TENM3: variants seen among roughly 807,000 people sequenced by gnomAD.
The protein encoded by TENM3 is teneurin-3.
A neutral mutation model predicts 255.1 loss-of-function variants in TENM3; 63 were observed. The observed-to-expected ratio is 0.25, with a 90% CI of 0.20 to 0.30. The LOEUF is 0.30. Among genes scored for constraint, TENM3 ranks in the 10% least tolerant of loss-of-function variants. The probability of loss-of-function intolerance (pLI) is 1.00; values close to 1 mark genes in which losing one functional copy is unlikely to be tolerated. For synonymous variants in TENM3, 1,306 were observed against 1,322.3 expected, an observed-to-expected ratio of 0.99 and a Z score of 0.27; for missense variants, 2,929 against 3,461.1, an observed-to-expected ratio of 0.85 and a Z score of 3.86.
intron 1 of TENM3, among the ~76,000 whole-genome samples, chr4:182,195,068 CTT>C (rs1753759443): frequency 7.2e-6 from 1 of 139,048 alleles, no homozygotes; most frequent in Admixed American, 7.1e-5. Flanking sequence ...CACACACACA[CTT>C]ATATATTCAG....
chr4:182,444,704 A>G (rs1211543562), intron 3 of TENM3, among the ~76,000 whole-genome samples: 1 of 152,140 alleles, frequency 6.6e-6, no homozygotes, highest in Non-Finnish European at 1.5e-5. Context: ...CAAGTTATCA[A>G]TTTTTAAATG....
chr4:181,542,736 A>C, the TENM3 span, among the ~76,000 whole-genome samples: 1 of 152,220 alleles, frequency 6.6e-6, no homozygotes, highest in Admixed American at 6.5e-5. Flanking sequence ...TCATTCATTT[A>C]AGAGCGCATT....
At chr4:182,450,210 T>C (rs1419389029) in intron 3 of TENM3, among the ~76,000 whole-genome samples, 1 of 152,236 alleles carries the variant, frequency 6.6e-6, no homozygotes, top group Non-Finnish European at 1.5e-5. Context: ...AAACCTTTTG[T>C]TCTCTGGTTT....
At chr4:181,776,485 A>G in the TENM3 span, among the ~76,000 whole-genome samples, 3 of 152,072 alleles carry the variant, frequency 2.0e-5, no homozygotes, top group Non-Finnish European at 2.9e-5. Context: ...GATTTTTGAG[A>G]ATCTCCATAC....
intron 3 of TENM3, among the ~76,000 whole-genome samples, chr4:182,463,458 A>G (rs1475279213): frequency 2.0e-5 from 3 of 151,402 alleles, no homozygotes; most frequent in Non-Finnish European, 4.4e-5. Flanking sequence ...AATACTTTAG[A>G]CCATGTAGTA....
At chr4:181,779,306 A>G in the TENM3 span, among the ~76,000 whole-genome samples, 1 of 150,182 alleles carries the variant, frequency 6.7e-6, no homozygotes, top group South Asian at 2.1e-4. Context: ...TCCTTTTGCT[A>G]CGTGGGCCAA....
At chr4:181,775,484 G>GT in the TENM3 span, among the ~76,000 whole-genome samples, 1,052 of 152,176 alleles carry the variant, frequency 6.9e-3, 14 homozygotes, top group African/African-American at 0.024. Flanking sequence ...TTTTTGGATT[G>GT]TTGGTTCCTG....
chr4:182,353,253 C>T (rs531097446), intron 3 of TENM3, among the ~76,000 whole-genome samples: 1 of 152,262 alleles, frequency 6.6e-6, no homozygotes, highest in African/African-American at 2.4e-5. Context: ...AATTCTGTTG[C>T]TGTAAGAAAC....
At chr4:182,574,622 C>G (rs1294809931) in intron 3 of TENM3, among the ~76,000 whole-genome samples, 1 of 152,092 alleles carries the variant, frequency 6.6e-6, no homozygotes, top group Non-Finnish European at 1.5e-5. Context: ...ACAGTCATTT[C>G]AAGTGACAGA....
chr4:182,493,762 A>T (rs953340647), intron 3 of TENM3, among the ~76,000 whole-genome samples: 1 of 152,154 alleles, frequency 6.6e-6, no homozygotes, highest in Non-Finnish European at 1.5e-5. Context: ...CTAAGACTTG[A>T]TTTCATGCAC....
At chr4:182,795,017 T>C (rs1766397084) in intron 26 of TENM3, among the ~76,000 whole-genome samples, 1 of 152,156 alleles carries the variant, frequency 6.6e-6, no homozygotes, top group Admixed American at 6.5e-5. Flanking sequence ...TCCTTTAGGC[T>C]GCCTCTTTTC....
At chr4:182,163,246 T>C (rs1751477607) in intron 1 of TENM3, among the ~76,000 whole-genome samples, 1 of 152,100 alleles carries the variant, frequency 6.6e-6, no homozygotes, top group Non-Finnish European at 1.5e-5. Flanking sequence ...CCGTCTTTCG[T>C]CTCTCCAATC....
the TENM3 span, among the ~76,000 whole-genome samples, chr4:181,528,572 G>T: frequency 6.6e-6 from 1 of 152,202 alleles, no homozygotes; most frequent in Non-Finnish European, 1.5e-5. Context: ...AATTTGAAGT[G>T]CTTTATGGGC....
At chr4:182,049,841 A>G in the TENM3 span, among the ~76,000 whole-genome samples, 2 of 152,204 alleles carry the variant, frequency 1.3e-5, no homozygotes, top group Non-Finnish European at 2.9e-5. Context: ...TCACGTATAA[A>G]TCAGGGAACA....
At chr4:181,632,411 C>A in the TENM3 span, among the ~76,000 whole-genome samples, 11,357 of 152,218 alleles carry the variant, frequency 0.075, 481 homozygotes, top group East Asian at 0.14. Context: ...CAAACCATAT[C>A]ATGTGGGCAT....
intron 5 of TENM3, among the ~76,000 whole-genome samples, chr4:182,653,019 CTT>C (rs1258374064): frequency 6.6e-6 from 1 of 151,984 alleles, no homozygotes; most frequent in African/African-American, 2.4e-5. Context: ...GAATTTAAAA[CTT>C]ATGTTTATAG....
intron 3 of TENM3, among the ~76,000 whole-genome samples, chr4:182,551,891 C>A (rs1374196011): frequency 6.6e-6 from 1 of 151,800 alleles, no homozygotes; most frequent in Non-Finnish European, 1.5e-5. Context: ...GTAGTGCATG[C>A]CTGTAAGTCC....
At chr4:182,520,395 G>T (rs1025617482) in intron 3 of TENM3, among the ~76,000 whole-genome samples, 2 of 152,200 alleles carry the variant, frequency 1.3e-5, no homozygotes, top group African/African-American at 2.4e-5. Context: ...AATCCTTGGT[G>T]TCTAGACAAG....
At chr4:181,928,896 A>G in the TENM3 span, among the ~76,000 whole-genome samples, 1 of 152,190 alleles carries the variant, frequency 6.6e-6, no homozygotes, top group Non-Finnish European at 1.5e-5. Flanking sequence ...AAAGAAAAGA[A>G]TTTCAACCCA....
Sources: allele counts gnomAD v4.1 joint callset (sites outside exome capture counted in the v4.1 genomes callset), GRCh38; gene constraint gnomAD v4.1.1; transcripts MANE v1.5; gene names NCBI Gene and HGNC (gene_info 2026-07-23, HGNC 2026-07-21).